Variants in SRGAP2 observed in about 807,000 individuals in gnomAD.
SRGAP2 encodes the protein SLIT-ROBO Rho GTPase activating protein 2.
SRGAP2 carries 15 observed loss-of-function variants against 57.2 expected under a neutral mutation model. The ratio of observed to expected loss-of-function variants is 0.26; its 90% CI spans 0.18 to 0.40. SRGAP2 has a LOEUF of 0.40. SRGAP2 is among the 10% of genes least tolerant of loss of function. The probability of loss-of-function intolerance (pLI) is 1.00; values close to 1 mark genes in which losing one functional copy is unlikely to be tolerated. For missense variants in SRGAP2, 520 were observed against 669.6 expected (o/e 0.78, Z 2.47); for synonymous variants, 249 against 248.0 (o/e 1.00, Z -0.04).
At chr1:206,256,563 T>G (rs1178326585) in intron 2 of SRGAP2, among the ~76,000 whole-genome samples, 28 of 149,490 alleles carry the variant, frequency 1.9e-4, no homozygotes, top group Non-Finnish European at 3.7e-4. Flanking sequence ...TGTAGACACT[T>G]GGAATCCATG....
chr1:206,226,506 A>G (rs1231596791), intron 2 of SRGAP2, among the ~76,000 whole-genome samples: 20 of 152,152 alleles, frequency 1.3e-4, no homozygotes, highest in African/African-American at 4.1e-4. Context: ...GCCATCAACT[A>G]TGTGGCCCTG....
chr1:206,443,938 C>CCAGCA (rs1173611472), intron 17 of SRGAP2, among the ~76,000 whole-genome samples: 1 of 151,956 alleles, frequency 6.6e-6, no homozygotes, highest in East Asian at 1.9e-4. Flanking sequence ...ACCTGTAATC[C>CCAGCA]CAGCACGTTG....
At chr1:206,284,827 C>T (rs1670930376) in intron 2 of SRGAP2, among the ~76,000 whole-genome samples, 2 of 152,102 alleles carry the variant, frequency 1.3e-5, no homozygotes, top group African/African-American at 4.8e-5. Context: ...CAGTGAAAAA[C>T]TGTAGAATGC....
At position 206,453,340 on chromosome 1, in the gene SRGAP2, G is replaced by A. The variant is rs781908994; in HGVS notation, c.2320G>A (p.Asp774Asn). 1.9e-5 allele frequency: 14 copies of A among 746,418 alleles called. No homozygotes were observed. Among genetic ancestry groups the A allele is most frequent in the East Asian group, 5.2e-5 (2 of 38,298 alleles). 46.2% of individuals were successfully genotyped at this position (746,418 alleles called of 1,614,324 possible). A position where few individuals can be genotyped will look rare whatever the true frequency, so the allele number is the denominator to read the frequency against. The change falls in exon 20 of 23, where the codon GAC (aspartate) becomes AAC (asparagine). Residue 774 changes from aspartate to asparagine, a missense_variant. Physicochemically the swap from Asp to Asn is conservative, Grantham distance 23. Around this residue, in one of 5 missense-constraint regions of SRGAP2, gnomAD observed 478 missense variants for 373.6 expected, o/e 1.28. Coordinates refer to ENST00000573034, the MANE Select transcript of SRGAP2 (RefSeq NM_015326.5). ...DWWEGRHNGI[D>N]GLIPHQYIVV... ...GTGGGAAGGCCGGCACAATGGCATCGACGGACTCATCCCCCATCAGTACAT... is the reference window on the plus strand; with the variant it reads ...GTGGGAAGGCCGGCACAATGGCATCAACGGACTCATCCCCCATCAGTACAT...
At chr1:206,423,800 A>T (rs142480424) in intron 13 of SRGAP2, among the ~76,000 whole-genome samples, 1,898 of 150,716 alleles carry the variant, frequency 0.013, 24 homozygotes, top group South Asian at 0.027. Flanking sequence ...CTTTTTTGAG[A>T]CAGGGTCTGG....
Position 206,383,629 on chromosome 1 carries a change from A to T in SRGAP2, c.424-385A>T, listed in dbSNP as rs1553347710. Among the ~76,000 whole-genome samples, 12 of 150,882 alleles carry T rather than the reference A, an allele frequency of 8.0e-5. No homozygotes were observed. The South Asian group carries it at 2.5e-3, about 31-fold the overall frequency. ...TTTTTCCTATTTCATCCCATTACAC[A>T]TCTTACTTTCCTTTGAAATCTTCTG... is the stretch of plus-strand genomic sequence containing the variant. On this transcript the variant is annotated intron_variant, in intron 4 of 22. Coordinates refer to ENST00000573034, the MANE Select transcript of SRGAP2 (RefSeq NM_015326.5).
At chr1:206,444,050 C>T (rs923281897) in intron 17 of SRGAP2, among the ~76,000 whole-genome samples, 5 of 151,928 alleles carry the variant, frequency 3.3e-5, no homozygotes, top group African/African-American at 4.8e-5. Context: ...ATTAGCCAGG[C>T]GTGGTGGTGC....
chr1:206,210,196 A>G (rs1444500536), intron 2 of SRGAP2, among the ~76,000 whole-genome samples: 1 of 148,650 alleles, frequency 6.7e-6, no homozygotes, highest in African/African-American at 2.5e-5. Context: ...GGGTGAATAC[A>G]CATGACTGTA....
intron 10 of SRGAP2, among the ~76,000 whole-genome samples, chr1:206,415,271 A>G (rs1355362791): frequency 1.3e-5 from 2 of 152,190 alleles, no homozygotes; most frequent in African/African-American, 4.8e-5. Flanking sequence ...CCAAAACTTC[A>G]TCTTGTATTT....
At chr1:206,455,134 TC>T in intron 21 of SRGAP2, 110 bp downstream of exon 21, 1 of 763,454 alleles carries the variant, frequency 1.3e-6, no homozygotes, top group Non-Finnish European at 2.4e-6. Context: ...GGCTCCCAGC[TC>T]CCCCAGCCTA....
chr1:206,384,641 C>T (rs1204449572), intron 5 of SRGAP2, among the ~76,000 whole-genome samples: 1 of 151,960 alleles, frequency 6.6e-6, no homozygotes, highest in Non-Finnish European at 1.5e-5. Context: ...AGGCAGGCTG[C>T]GGGCTTGGAG....
intron 15 of SRGAP2, among the ~76,000 whole-genome samples, chr1:206,437,271 C>T (rs563913430): frequency 7.9e-5 from 12 of 152,302 alleles, no homozygotes; most frequent in African/African-American, 2.4e-4. Flanking sequence ...GCCTCTTTCA[C>T]GCCGATGATC....
chr1:206,451,115 TAAAAAAAAAAA>T (rs67862340), intron 19 of SRGAP2, among the ~76,000 whole-genome samples: 2 of 69,246 alleles, frequency 2.9e-5, no homozygotes, highest in African/African-American at 6.0e-5. Context: ...AGACCCTGTC[TAAAAAAAAAAA>T]AAAAAAAAAA....
intron 3 of SRGAP2, among the ~76,000 whole-genome samples, chr1:206,325,376 C>G (rs1553329558): frequency 6.6e-6 from 1 of 151,764 alleles, no homozygotes; most frequent in Non-Finnish European, 1.5e-5. Flanking sequence ...TGGGGTCTCA[C>G]TCTTTCACCC....
chr1:206,355,631 T>C (rs1443261563), intron 4 of SRGAP2, among the ~76,000 whole-genome samples: 2 of 152,210 alleles, frequency 1.3e-5, no homozygotes, highest in Non-Finnish European at 2.9e-5. Context: ...TTTAGACAAG[T>C]TACTTTTTGT....
intron 2 of SRGAP2, among the ~76,000 whole-genome samples, chr1:206,272,492 G>A (rs1670178429): frequency 6.6e-6 from 1 of 151,430 alleles, no homozygotes; most frequent in African/African-American, 2.4e-5. Context: ...GCTCTCTGCA[G>A]TCTCAACCTC....
At chr1:206,359,718 A>G (rs1322969906) in intron 4 of SRGAP2, among the ~76,000 whole-genome samples, 1 of 142,308 alleles carries the variant, frequency 7.0e-6, no homozygotes, top group Non-Finnish European at 1.5e-5. Context: ...CAGATAATAC[A>G]TAAAAAAGTA....
At chr1:206,230,625 C>CTA (rs1176396710) in intron 2 of SRGAP2, among the ~76,000 whole-genome samples, 1 of 151,688 alleles carries the variant, frequency 6.6e-6, no homozygotes, top group Non-Finnish European at 1.5e-5. Context: ...TTTCATGGAG[C>CTA]TGTATTTTTT....
At chr1:206,351,046 G>A (rs1321107942) in intron 4 of SRGAP2, among the ~76,000 whole-genome samples, 2 of 152,130 alleles carry the variant, frequency 1.3e-5, no homozygotes, top group Admixed American at 1.3e-4. Context: ...TAAAAGCAGT[G>A]CATGTTACCT....
Sources: allele counts gnomAD v4.1 joint callset (sites outside exome capture counted in the v4.1 genomes callset), GRCh38; gene constraint gnomAD v4.1.1; regional missense constraint gnomAD v4.1.1; transcripts MANE v1.5; gene names NCBI Gene and HGNC (gene_info 2026-07-23, HGNC 2026-07-21).